The following DIS3L variants were observed in gnomAD, a reference collection of about 807,000 sequenced individuals.
DIS3L encodes DIS3-like exonuclease 1.
A neutral mutation model predicts 120.3 loss-of-function variants in DIS3L; 100 were observed. The observed-to-expected ratio is 0.83, with a 90% CI of 0.71 to 0.98. The LOEUF (loss-of-function observed/expected upper bound fraction) is 0.98. Among genes scored for constraint, DIS3L ranks in the 50% least tolerant of loss-of-function variants. The probability of loss-of-function intolerance (pLI) is 0.00; values close to 1 mark genes in which losing one functional copy is unlikely to be tolerated. For missense variants in DIS3L, 1,196 were observed against 1,314.2 expected, an observed-to-expected ratio of 0.91 and a Z score of 1.39; for synonymous variants, 426 against 470.6, an observed-to-expected ratio of 0.91 and a Z score of 1.23.
chr15:66,318,635 C>G lies in DIS3L; in HGVS notation c.1164+17C>G. ...ACCCTCCAGGTAGTTGGCATTCTACCTCTACTATGGGATCTCTACGCTTTC... is the reference window on the plus strand; with the variant it reads ...ACCCTCCAGGTAGTTGGCATTCTACGTCTACTATGGGATCTCTACGCTTTC... On this transcript the variant is annotated intron_variant, in intron 8 of 16. Transcript: ENST00000319212. The G allele has an allele frequency of 6.2e-7, 1 of 1,612,808 alleles. No individual in the cohort carries two copies. The highest frequency in any genetic ancestry group is 8.5e-7 in the Non-Finnish European group (1 of 1,179,294).
intron 3 of DIS3L, 111 bp from the exon 4 acceptor site, chr15:66,308,598 T>C: frequency 7.4e-7 from 1 of 1,346,736 alleles, no homozygotes. Flanking sequence ...GTTGAACGAA[T>C]GAATGGTTAT....
At chr15:66,295,261 A>G (rs777586613) in intron 2 of DIS3L, 120 bp downstream of exon 2, 23 of 947,210 alleles carry the variant, frequency 2.4e-5, no homozygotes, top group Non-Finnish European at 3.3e-5. Flanking sequence ...TTTTAAAACT[A>G]ATTTCGTATT....
Position 66,320,687 on chromosome 15 carries a change from C to T in DIS3L, c.1281C>T (p.Ile427=). The T allele has an allele frequency of 1.2e-6, 2 of 1,614,038 alleles. No homozygotes were observed. Among genetic ancestry groups the T allele is most frequent in the East Asian group, 4.5e-5 (2 of 44,874 alleles). ...IGDLEGEIAT[I]LVENSISVIP... ...ATCTGGAAGGGGAAATTGCAACCAT[C>T]CTGGTGGAAAACAGTATTTCAGTTA... Residue 427 remains isoleucine (I), a synonymous_variant, in exon 9 of 17, where the codon ATC becomes ATT. Transcript: ENST00000319212.
At chr15:66,312,280 T>C (rs1462541689) in intron 5 of DIS3L, among the ~76,000 whole-genome samples, 1 of 151,738 alleles carries the variant, frequency 6.6e-6, no homozygotes, top group Non-Finnish European at 1.5e-5. Context: ...CTGCATCCTG[T>C]CACAGGCCTC....
At chr15:66,309,759 C>T (rs1053108385) in intron 4 of DIS3L, among the ~76,000 whole-genome samples, 3 of 152,188 alleles carry the variant, frequency 2.0e-5, no homozygotes, top group African/African-American at 7.2e-5. Flanking sequence ...AAAATGCACA[C>T]GAAACAAACT....
intron 12 of DIS3L, among the ~76,000 whole-genome samples, chr15:66,327,756 A>C (rs1287312980): frequency 6.6e-6 from 1 of 151,804 alleles, no homozygotes; most frequent in African/African-American, 2.4e-5. Flanking sequence ...AAATAAATAA[A>C]TAAATAAATA....
At chr15:66,293,522 C>T, upstream of DIS3L, 3 of 1,287,736 alleles carry the variant, frequency 2.3e-6, no homozygotes, top group Non-Finnish European at 2.9e-6. Flanking sequence ...CGCCTAGGGC[C>T]GAGGGGCGGG....
At chr15:66,317,193 T>A (rs1284978818) in intron 7 of DIS3L, among the ~76,000 whole-genome samples, 1 of 152,124 alleles carries the variant, frequency 6.6e-6, no homozygotes, top group Non-Finnish European at 1.5e-5. Context: ...TCACATTTTT[T>A]TTTTTTGGTC....
intron 14 of DIS3L, 132 bp from the exon 15 acceptor site, chr15:66,331,738 GTAATT>G (rs1306169585): frequency 2.1e-6 from 2 of 974,424 alleles, no homozygotes; most frequent in Non-Finnish European, 2.8e-6. Flanking sequence ...CCCACAAAAA[GTAATT>G]TAATTTCATA....
In DIS3L at chr15:66,314,036, TA is replaced by T; in HGVS notation, c.736-2del. 1 of 1,547,774 alleles carries T rather than the reference TA, an allele frequency of 6.5e-7. No homozygotes were observed. Among genetic ancestry groups the T allele is most frequent in the Non-Finnish European group, 8.7e-7 (1 of 1,149,228 alleles). The stretch of plus-strand genomic sequence containing the variant: ...ATATTGATTTTTTAAATTATGATTT[TA>T]GGGAATTCTGAATGTCAACAAACAC... On this transcript the variant is annotated splice_acceptor_variant, in intron 5 of 16. Transcript: ENST00000319212. LOFTEE classifies it high-confidence loss of function.
chr15:66,318,484 G>C lies in DIS3L; in HGVS notation c.1030G>C (p.Asp344His). 6.2e-7 allele frequency: 1 copy of C among 1,614,022 alleles called. No individual in the cohort carries two copies. Among genetic ancestry groups the C allele is most frequent in the Non-Finnish European group, 8.5e-7 (1 of 1,179,996 alleles). Residue 344 changes from aspartate to histidine, a missense_variant, in exon 8 of 17, where the codon GAT becomes CAT. Physicochemically the swap from Asp to His is moderately conservative, Grantham distance 81. Coordinates refer to ENST00000319212, the MANE Select transcript of DIS3L (RefSeq NM_001143688.3). ...VVGILQKNWR[D>H]YVVTFPSKEE... ...GGGCATACTTCAGAAGAACTGGCGG[G>C]ATTATGTGGTGACATTTCCGTCCAA...
chr15:66,328,521 C>T (rs890339993), intron 12 of DIS3L, among the ~76,000 whole-genome samples: 1 of 152,142 alleles, frequency 6.6e-6, no homozygotes. Flanking sequence ...GAGACCCTGT[C>T]TCTACAAAAA....
Position 66,320,750 on chromosome 15 carries a change from G to C in DIS3L, c.1326+18G>C, listed in dbSNP as rs755733445. ...AAGCTCAGGTCAGATTTTCCAGAAG[G>C]CTTTGATCTAGTGACATTTTCTTTT... On this transcript the variant is annotated intron_variant, in intron 9 of 16. Coordinates refer to ENST00000319212, the MANE Select transcript of DIS3L (RefSeq NM_001143688.3). The C allele has an allele frequency of 1.2e-5, 20 of 1,604,846 alleles. No individual in the cohort carries two copies. Among genetic ancestry groups the C allele is most frequent in the African/African-American group, 4.0e-5 (3 of 74,476 alleles).
At chr15:66,298,131 A>G (rs1258506603) in intron 2 of DIS3L, among the ~76,000 whole-genome samples, 5 of 144,438 alleles carry the variant, frequency 3.5e-5, no homozygotes, top group African/African-American at 1.3e-4. Context: ...GTGAGCCGAG[A>G]TCATGCTACA....
rs948373500 is a variant in DIS3L, at chr15:66,296,302, C to T, written c.293+1161C>T. 4.6e-5 allele frequency among the ~76,000 whole-genome samples: 7 copies of T among 152,210 alleles called. No homozygotes were observed. The East Asian group carries it at 7.7e-4, about 17-fold the overall frequency. On this transcript the variant is annotated intron_variant, in intron 2 of 16. Coordinates refer to ENST00000319212, the MANE Select transcript of DIS3L (RefSeq NM_001143688.3). ...CAAAGACAAAGAGTTGGAATTTAAA[C>T]GTTTTTTTCTCCTGAACATTTCAAG...
chr15:66,321,876 G>A (rs1358260422), intron 9 of DIS3L, among the ~76,000 whole-genome samples: 2 of 151,908 alleles, frequency 1.3e-5, no homozygotes, highest in African/African-American at 2.4e-5. Context: ...CAAGTCAAAG[G>A]GTATAAAAGA....
chr15:66,327,807 A>G (rs1272816806), intron 12 of DIS3L, among the ~76,000 whole-genome samples: 4 of 152,198 alleles, frequency 2.6e-5, no homozygotes, highest in African/African-American at 9.7e-5. Flanking sequence ...CACACCTGTA[A>G]TCCTAGCACT....
At chr15:66,307,303 ATT>A (rs962535047) in intron 3 of DIS3L, among the ~76,000 whole-genome samples, 1 of 150,052 alleles carries the variant, frequency 6.7e-6, no homozygotes, top group African/African-American at 2.5e-5. Context: ...ATTTTTTTTA[ATT>A]TTTTTTTGAG....
Position 66,308,788 on chromosome 15 carries a change from G to A in DIS3L, c.502G>A (p.Glu168Lys). 1 of 1,613,708 alleles carries A rather than the reference G, an allele frequency of 6.2e-7. No individual in the cohort carries two copies. The highest frequency in any genetic ancestry group is 8.5e-7 in the Non-Finnish European group (1 of 1,179,808). The change falls in exon 4 of 17, where the codon GAG (glutamate) becomes AAG (lysine). Residue 168 changes from glutamate to lysine, a missense_variant. By Grantham distance (56) the Glu-to-Lys change is moderately conservative. Transcript: ENST00000319212. ...MPIVMVTEDE[E>K]AIQQYGSETE... ...AATTGTTATGGTGACAGAAGATGAAGAGGCAATTCAGCAGTATGGAAGTGA... is the reference window on the plus strand; with the variant it reads ...AATTGTTATGGTGACAGAAGATGAAAAGGCAATTCAGCAGTATGGAAGTGA...
Sources: allele counts gnomAD v4.1 joint callset (sites outside exome capture counted in the v4.1 genomes callset), GRCh38; gene constraint gnomAD v4.1.1; transcripts MANE v1.5; gene names NCBI Gene and HGNC (gene_info 2026-07-23, HGNC 2026-07-21).